Variants in ZNF667 observed in about 807,000 individuals in gnomAD.
ZNF667 encodes myocardial ischemic preconditioning upregulated 1 ortholog.
A neutral mutation model predicts 31.8 loss-of-function variants in ZNF667; 13 were observed. That is an observed-to-expected ratio of 0.41 (90% CI 0.27 to 0.65). The LOEUF (loss-of-function observed/expected upper bound fraction) is 0.65. Among genes scored for constraint, ZNF667 ranks in the 30% least tolerant of loss-of-function variants. The pLI, the probability that ZNF667 is intolerant of heterozygous loss-of-function variation, is 0.32. For missense variants in ZNF667, 642 were observed against 725.6 expected (o/e 0.88, Z 1.32); for synonymous variants, 228 against 247.1 (o/e 0.92, Z 0.73).
chr19:56,460,800 C>T lies in ZNF667; in HGVS notation c.49G>A (p.Gly17Arg), dbSNP rs1377620953. The change falls in exon 5 of 7, where the codon GGG becomes AGG. Residue 17 changes from glycine to arginine, a missense_variant. Physicochemically the swap from Gly to Arg is moderately radical, Grantham distance 125 (BLOSUM62 -2). Coordinates refer to ENST00000504904, the MANE Select transcript of ZNF667 (RefSeq NM_001321356.2). Reference sequence around the variant, plus strand: ...TGGGAGAAGTAGATGGCTAAGTCCCCAAATGTTATAGGTGCCTGAAATGAA... The same window carrying T: ...TGGGAGAAGTAGATGGCTAAGTCCCTAAATGTTATAGGTGCCTGAAATGAA... ...KSKSKAPITF[G>R]DLAIYFSQEE... 6.2e-7 allele frequency: 1 copy of T among 1,603,286 alleles called. No homozygotes were observed. The highest frequency in any genetic ancestry group is 8.5e-7 in the Non-Finnish European group (1 of 1,175,812).
intron 6 of ZNF667, chr19:56,444,402 G>C: frequency 2.5e-6 from 1 of 394,020 alleles, no homozygotes; most frequent in Non-Finnish European, 4.5e-6. Flanking sequence ...ACTCCCTATT[G>C]CTAAGACACC....
intron 3 of ZNF667, among the ~76,000 whole-genome samples, chr19:56,462,836 T>C (rs2043075773): frequency 6.6e-6 from 1 of 152,006 alleles, no homozygotes; most frequent in Admixed American, 6.6e-5. Flanking sequence ...AGCACAATGA[T>C]GGACATGGTC....
At position 56,440,789 on chromosome 19, in the gene ZNF667, A is replaced by T; in HGVS notation, c.*373T>A. Reference sequence around the variant, plus strand: ...GTAGCTGAGATTACAGGTGCGCACCACCACGCCCAGCTAATTTTGTATTTT... The same window carrying T: ...GTAGCTGAGATTACAGGTGCGCACCTCCACGCCCAGCTAATTTTGTATTTT... On this transcript the variant is annotated 3_prime_UTR_variant, in exon 7 of 7. Transcript: ENST00000504904. The T allele has an allele frequency of 1.7e-6, 1 of 597,872 alleles. No individual in the cohort carries two copies. The highest frequency in any genetic ancestry group is 2.2e-6 in the Non-Finnish European group (1 of 458,216). 37.0% of individuals were successfully genotyped at this position (597,872 alleles called of 1,614,324 possible).
At position 56,442,737 on chromosome 19, in the gene ZNF667, C is replaced by T. The variant is rs772489450; in HGVS notation, c.258G>A (p.Ser86=). The change falls in exon 7 of 7, where the codon TCG becomes TCA. Residue 86 remains serine, a synonymous_variant. Coordinates refer to ENST00000504904, the MANE Select transcript of ZNF667 (RefSeq NM_001321356.2). Reference sequence around the variant, plus strand: ...ACTTCTTGGTCTCACATTTAGACCCCGAGTCTGAAAGACATAAAGGAATTA... The same window carrying T: ...ACTTCTTGGTCTCACATTTAGACCCTGAGTCTGAAAGACATAAAGGAATTA... The part of the protein sequence containing the change: ...EPVRRRRAPD[S]GSKCETKKLP... 17 of 1,558,278 alleles carry T rather than the reference C, an allele frequency of 1.1e-5. No homozygotes were observed. The highest frequency in any genetic ancestry group is 6.9e-5 in the African/African-American group (5 of 72,836).
intron 3 of ZNF667, chr19:56,467,772 A>T (rs1051795298): frequency 6.6e-6 from 1 of 152,274 alleles, no homozygotes; most frequent in African/African-American, 2.4e-5. Context: ...CGAAGAATAC[A>T]GAGAAAGAAA....
intron 3 of ZNF667, among the ~76,000 whole-genome samples, chr19:56,466,721 TC>T (rs1568452574): frequency 8.6e-5 from 13 of 152,034 alleles, no homozygotes. Flanking sequence ...ACAGAACATC[TC>T]CCACCAAGCC....
At chr19:56,466,863 A>ACATTC in intron 3 of ZNF667, 1 of 392,686 alleles carries the variant, frequency 2.5e-6, no homozygotes, top group East Asian at 7.2e-5. Context: ...GTGCATCTGC[A>ACATTC]CATTCCAGGT....
At chr19:56,475,800 G>A (rs1011011868) in intron 1 of ZNF667, 1 of 152,108 alleles carries the variant, frequency 6.6e-6, no homozygotes, top group Non-Finnish European at 1.5e-5. Context: ...TCTCCATCAG[G>A]AAGATCCTTT....
At position 56,441,606 on chromosome 19, in the gene ZNF667, T is replaced by C. The variant is rs756901621; in HGVS notation, c.1389A>G (p.Arg463=). The C allele has an allele frequency of 6.2e-7, 1 of 1,614,102 alleles. No individual in the cohort carries two copies. Among genetic ancestry groups the C allele is most frequent in the South Asian group, 1.1e-5 (1 of 91,076 alleles). The change falls in exon 7 of 7, where the codon AGA becomes AGG. Residue 463 remains arginine, a synonymous_variant. Coordinates refer to ENST00000504904, the MANE Select transcript of ZNF667 (RefSeq NM_001321356.2). This position sits in a 1 kb window ranked among gnomAD's most constrained non-coding sequence, Gnocchi z 4.2. ...GRQSFLIEHQ[R]IHTGEKPYQC... The stretch of plus-strand genomic sequence containing the variant: ...GGTAGGGTTTTTCTCCAGTATGAAT[T>C]CTTTGATGTTCAATAAGAAATGATT...
intron 3 of ZNF667, chr19:56,467,807 G>T (rs904573588): frequency 1.3e-5 from 2 of 152,224 alleles, no homozygotes; most frequent in Non-Finnish European, 2.9e-5. Flanking sequence ...AGGTATGTGT[G>T]AGGTGGTGTG....
chr19:56,452,621 T>C (rs2042854989), intron 6 of ZNF667, among the ~76,000 whole-genome samples: 1 of 151,798 alleles, frequency 6.6e-6, no homozygotes. Context: ...AAATTTAAAT[T>C]AGAAAACCAC....
At position 56,442,396 on chromosome 19, in the gene ZNF667, T is replaced by C. The variant is rs756137744; in HGVS notation, c.599A>G (p.His200Arg). 5.0e-6 allele frequency: 8 copies of C among 1,614,066 alleles called. No homozygotes were observed. The South Asian group carries it at 5.5e-5, about 11-fold the overall frequency. ...HQRIHSGKKS[H>R]ECNKCGESFN... ...GCTTTCCCCACATTTATTGCATTCATGGCTTTTCTTTCCACTGTGAATTCT... is the reference window on the plus strand; with the variant it reads ...GCTTTCCCCACATTTATTGCATTCACGGCTTTTCTTTCCACTGTGAATTCT... The change falls in exon 7 of 7, where the codon CAT becomes CGT. Residue 200 changes from histidine (H) to arginine (R), a missense_variant. Physicochemically the swap from His to Arg is conservative, Grantham distance 29. Transcript: ENST00000504904.
chr19:56,450,542 T>TG (rs1261728077), intron 6 of ZNF667, among the ~76,000 whole-genome samples: 1 of 152,162 alleles, frequency 6.6e-6, no homozygotes, highest in Non-Finnish European at 1.5e-5. Flanking sequence ...CAACACTCAC[T>TG]AGCAATAGTA....
At chr19:56,463,893 C>T (rs1298926924) in intron 3 of ZNF667, among the ~76,000 whole-genome samples, 2 of 152,024 alleles carry the variant, frequency 1.3e-5, no homozygotes, top group Non-Finnish European at 2.9e-5. Context: ...AAAATTATTG[C>T]TAAAATTATT....
At chr19:56,467,607 A>C (rs1485842847) in intron 3 of ZNF667, 1 of 152,176 alleles carries the variant, frequency 6.6e-6, no homozygotes, top group African/African-American at 2.4e-5. Flanking sequence ...TTCAGATACC[A>C]GTTGCAAGTC....
At chr19:56,452,368 A>T (rs962384078) in intron 6 of ZNF667, among the ~76,000 whole-genome samples, 1 of 152,146 alleles carries the variant, frequency 6.6e-6, no homozygotes, top group Non-Finnish European at 1.5e-5. Context: ...TTTCTTAATT[A>T]AAATTTAAAA....
intron 6 of ZNF667, among the ~76,000 whole-genome samples, chr19:56,443,619 G>A (rs1600400332): frequency 6.6e-6 from 1 of 152,180 alleles, no homozygotes; most frequent in East Asian, 1.9e-4. Flanking sequence ...ACAGTTTTAT[G>A]ATCTTATAGA....
intron 2 of ZNF667, 53 bp downstream of exon 2, chr19:56,473,959 A>G (rs541236150): frequency 6.6e-6 from 1 of 152,336 alleles, no homozygotes; most frequent in Admixed American, 6.5e-5. Flanking sequence ...ATGAACGTAT[A>G]ATTACATCTT....
At chr19:56,462,153 T>C (rs1354946221) in intron 4 of ZNF667, among the ~76,000 whole-genome samples, 185 bp downstream of exon 4, 1 of 152,240 alleles carries the variant, frequency 6.6e-6, no homozygotes, top group Non-Finnish European at 1.5e-5. Context: ...AGAGGCTCGC[T>C]GAGCAGTTTC....
Sources: allele counts gnomAD v4.1 joint callset (sites outside exome capture counted in the v4.1 genomes callset), GRCh38; gene constraint gnomAD v4.1.1; non-coding constraint Gnocchi (gnomAD v3.1); transcripts MANE v1.5; gene names NCBI Gene and HGNC (gene_info 2026-07-23, HGNC 2026-07-21).